STX8: variants seen among roughly 807,000 people sequenced by gnomAD.
STX8 encodes the protein syntaxin-8.
In STX8, 23 loss-of-function variants were observed where a neutral mutation model predicts 37.5. That is an observed-to-expected ratio of 0.61 (90% confidence interval 0.44 to 0.87). STX8 has a LOEUF of 0.87. STX8 is among the 40% of genes least tolerant of loss of function. The pLI is 0.00. For synonymous variants in STX8, 115 were observed against 99.1 expected (o/e 1.16, Z -0.95); for missense variants, 313 against 284.7 (o/e 1.10, Z -0.71).
chr17:9,409,010 AC>A (rs138660579), intron 6 of STX8, among the ~76,000 whole-genome samples: 2,491 of 151,094 alleles, frequency 0.016, 67 homozygotes, highest in African/African-American at 0.056. Flanking sequence ...GGTTCTCCCT[AC>A]CCCCCCTACT....
At chr17:9,384,499 G>A (rs1015502921) in intron 6 of STX8, among the ~76,000 whole-genome samples, 1 of 151,966 alleles carries the variant, frequency 6.6e-6, no homozygotes, top group Non-Finnish European at 1.5e-5. Flanking sequence ...TTAGCCAGGC[G>A]TGATGGTGGG....
intron 6 of STX8, among the ~76,000 whole-genome samples, chr17:9,393,648 G>T (rs982061922): frequency 1.3e-5 from 2 of 152,136 alleles, no homozygotes; most frequent in African/African-American, 4.8e-5. Flanking sequence ...TATGTATATT[G>T]TCATCCCTAG....
At chr17:9,551,027 A>G (rs1440602016) in intron 3 of STX8, among the ~76,000 whole-genome samples, 1 of 152,200 alleles carries the variant, frequency 6.6e-6, no homozygotes, top group African/African-American at 2.4e-5. Context: ...GTGAGCTGAG[A>G]TCGCACCATT....
intron 7 of STX8, among the ~76,000 whole-genome samples, chr17:9,311,945 T>C (rs967859762): frequency 6.6e-6 from 1 of 151,866 alleles, no homozygotes; most frequent in African/African-American, 2.4e-5. Flanking sequence ...CATCCCAGGT[T>C]CAAGCTATTC....
chr17:9,268,476 T>C (rs960524880), intron 7 of STX8, among the ~76,000 whole-genome samples: 7 of 152,168 alleles, frequency 4.6e-5, no homozygotes, highest in African/African-American at 1.7e-4. Context: ...ATTCACACTC[T>C]GCAGTGCAAG....
In STX8 at chr17:9,291,009, TGAG is replaced by T. The variant is rs112222960; in HGVS notation, c.644-40367_644-40365del. Among the ~76,000 whole-genome samples the T allele has an allele frequency of 5.4e-3, 815 of 152,210 alleles. 10 individuals carry two copies. Among genetic ancestry groups the T allele is most frequent in the African/African-American group, 0.018 (757 of 41,526 alleles). On this transcript the variant is annotated intron_variant, in intron 7 of 7. Transcript: ENST00000306357. The stretch of plus-strand genomic sequence containing the variant: ...ACATGGAACAAGTTCTAGGAAGAAA[TGAG>T]GATCCAGAAGTAGAATCAACCCGAA...
At chr17:9,513,890 C>T (rs987347932) in intron 4 of STX8, among the ~76,000 whole-genome samples, 2 of 152,098 alleles carry the variant, frequency 1.3e-5, no homozygotes, top group African/African-American at 2.4e-5. Flanking sequence ...AGCTGGAGGA[C>T]GTTATTATAT....
At chr17:9,439,242 A>G (rs1211472762) in intron 6 of STX8, among the ~76,000 whole-genome samples, 1 of 152,166 alleles carries the variant, frequency 6.6e-6, no homozygotes, top group Non-Finnish European at 1.5e-5. Context: ...ATTCCAGTTC[A>G]TTAATGCAGC....
chr17:9,475,892 C>A (rs1398947360), intron 6 of STX8, among the ~76,000 whole-genome samples: 2 of 152,118 alleles, frequency 1.3e-5, no homozygotes, highest in Non-Finnish European at 2.9e-5. Context: ...AATAAACTTG[C>A]CTAAAGGGCC....
intron 4 of STX8, among the ~76,000 whole-genome samples, chr17:9,521,340 A>G (rs1203384589): frequency 1.3e-5 from 2 of 152,214 alleles, no homozygotes; most frequent in Non-Finnish European, 2.9e-5. Context: ...AGTGTTGATG[A>G]ATAGACTGGA....
chr17:9,516,882 A>G (rs1304853607), intron 4 of STX8, among the ~76,000 whole-genome samples: 1 of 152,152 alleles, frequency 6.6e-6, no homozygotes. Flanking sequence ...TCTCACCCAT[A>G]AAACAAGCAA....
At chr17:9,384,127 T>G (rs75881974) in intron 6 of STX8, among the ~76,000 whole-genome samples, 3 of 72,116 alleles carry the variant, frequency 4.2e-5, no homozygotes, top group African/African-American at 1.8e-4. Context: ...TCATTTGTTA[T>G]TTTTTTTTTT....
rs11870427 is a variant in STX8, at chr17:9,325,531, A to G, written c.643+53021T>C. 8.3e-3 allele frequency among the ~76,000 whole-genome samples: 1,259 copies of G among 152,152 alleles called. 20 individuals carry two copies. The highest frequency in any genetic ancestry group is 0.029 in the African/African-American group (1,196 of 41,520). On this transcript the variant is annotated intron_variant, in intron 7 of 7. Coordinates refer to ENST00000306357, the MANE Select transcript of STX8 (RefSeq NM_004853.3). ...AAAGGGGGCCCATGCTTGATTCAAC[A>G]CTCTGCTGTTGCCATCTTGACATTC...
chr17:9,557,588 A>G, intron 2 of STX8, 60 bp from the exon 3 acceptor site: 1 of 1,451,550 alleles, frequency 6.9e-7, no homozygotes, highest in Non-Finnish European at 9.6e-7. Context: ...CCACAAAATT[A>G]CATCACGTAA....
intron 2 of STX8, among the ~76,000 whole-genome samples, chr17:9,565,353 C>T (rs1353307735): frequency 6.6e-6 from 1 of 152,052 alleles, no homozygotes; most frequent in Non-Finnish European, 1.5e-5. Context: ...CAGTGGCTCA[C>T]GCCTATAATC....
chr17:9,427,203 G>A (rs1913666543), intron 6 of STX8, among the ~76,000 whole-genome samples: 2 of 152,076 alleles, frequency 1.3e-5, no homozygotes, highest in South Asian at 2.1e-4. Context: ...TAGAAATAAC[G>A]TTGTATATGT....
intron 6 of STX8, among the ~76,000 whole-genome samples, chr17:9,378,947 TATAAAGGAACAGA>T (rs1031339100): frequency 6.6e-6 from 1 of 152,016 alleles, no homozygotes; most frequent in African/African-American, 2.4e-5. Flanking sequence ...GTCATTCAAG[TATAAAGGAACAGA>T]CAGGCCAGGC....
intron 6 of STX8, among the ~76,000 whole-genome samples, chr17:9,409,046 A>G (rs1912894361): frequency 6.6e-6 from 1 of 151,564 alleles, no homozygotes; most frequent in Admixed American, 6.6e-5. Context: ...TATTCCAAGT[A>G]TGGTACTCAG....
Position 9,550,313 on chromosome 17 carries a change from AGAT to A in STX8, c.213-5034_213-5032del, listed in dbSNP as rs747238993. The stretch of plus-strand genomic sequence containing the variant: ...CAACCTGGTGAATAGCCAAGGAAGA[AGAT>A]AAGAGAACAGACAGATAAAGAAAAG... On this transcript the variant is annotated intron_variant, in intron 3 of 7. Transcript: ENST00000306357. Among the ~76,000 whole-genome samples, 13 of 152,188 alleles carry A rather than the reference AGAT, an allele frequency of 8.5e-5. No homozygotes were observed. In the East Asian group the frequency reaches 2.1e-3, roughly 25 times the overall value.
Sources: gnomAD v4.1 joint callset for allele counts (sites outside exome capture counted in the v4.1 genomes callset) on GRCh38, gnomAD v4.1.1 for gene constraint, MANE v1.5 for transcripts, NCBI Gene and HGNC (gene_info 2026-07-23, HGNC 2026-07-21) for gene names.